The following KCTD19 variants were observed in gnomAD, a reference collection of about 807,000 sequenced individuals.
The protein encoded by KCTD19 is BTB/POZ domain-containing protein KCTD19.
KCTD19 carries 67 observed loss-of-function variants against 103.5 expected under a neutral mutation model. The observed-to-expected ratio is 0.65, with a 90% CI of 0.53 to 0.79. KCTD19 has a LOEUF of 0.79. Ranked by LOEUF, KCTD19 falls within the 30% of genes least tolerant of loss-of-function variation. The pLI is 0.00. For missense variants in KCTD19, 980 were observed against 1,136.1 expected, an observed-to-expected ratio of 0.86 and a Z score of 1.98; for synonymous variants, 439 against 452.2, an observed-to-expected ratio of 0.97 and a Z score of 0.37.
At chr16:67,306,485 C>G (rs988361564) in intron 2 of KCTD19, among the ~76,000 whole-genome samples, 3 of 152,116 alleles carry the variant, frequency 2.0e-5, no homozygotes, top group Non-Finnish European at 4.4e-5. Context: ...AGGCTGGTCT[C>G]AAACTCCTGG....
intron 4 of KCTD19, chr16:67,302,449 G>T: frequency 6.3e-6 from 1 of 158,248 alleles, no homozygotes; most frequent in Non-Finnish European, 1.4e-5. Flanking sequence ...TGAATGACTG[G>T]GGTTCCAGAC....
At chr16:67,309,214 A>G (rs186870591) in intron 2 of KCTD19, among the ~76,000 whole-genome samples, 16 of 152,312 alleles carry the variant, frequency 1.1e-4, no homozygotes, top group Admixed American at 8.5e-4. Context: ...GCAAAAAGAA[A>G]CATGGGAGAT....
In KCTD19 at chr16:67,295,276, G is replaced by A. The variant is rs1000482306; in HGVS notation, c.1378C>T (p.Pro460Ser). 6.2e-7 allele frequency: 1 copy of A among 1,614,002 alleles called. No individual in the cohort carries two copies. The highest frequency in any genetic ancestry group is 8.5e-7 in the Non-Finnish European group (1 of 1,180,016). Residue 460 changes from proline to serine, a missense_variant, in exon 9 of 16, where the codon CCA (proline) becomes TCA (serine). By Grantham distance (74) the Pro-to-Ser change is moderately conservative. Transcript: ENST00000304372. ...TGCTTCACTTACTTAAATTCAGATG[G>A]TAAAAACAGTTTGCCAAGTCTCAGG... Reference protein sequence around the residue: ...NFLRLGKLFLPSEFKEWPLFC... With the variant: ...NFLRLGKLFLSSEFKEWPLFC...
At chr16:67,304,373 G>T (rs760198569) in intron 3 of KCTD19, 48 bp downstream of exon 3, 1 of 1,595,752 alleles carries the variant, frequency 6.3e-7, no homozygotes, top group Admixed American at 1.7e-5. Context: ...GGTGAGGAGA[G>T]GGAAAGTTGG....
At position 67,303,120 on chromosome 16, in the gene KCTD19, C is replaced by A. The variant is rs772501182; in HGVS notation, c.643+26G>T. 2.0e-6 allele frequency: 1 copy of A among 498,010 alleles called. No individual in the cohort carries two copies. The allele number at this position is 498,010 out of a possible 1,614,324, so 30.8% of individuals were successfully genotyped here. ...GAATGGGCCCTATCAGCCCGCCCCC[C>A]ACCCCACCCCGGACAGAGCAATCAC... On this transcript the variant is annotated intron_variant, in intron 4 of 15. Coordinates refer to ENST00000304372, the MANE Select transcript of KCTD19 (RefSeq NM_001100915.3). The surrounding 1 kb of genome is among the most constrained non-coding windows in gnomAD (Gnocchi z 4.3).
At position 67,301,940 on chromosome 16, in the gene KCTD19, A is replaced by T; in HGVS notation, c.644-18T>A. On this transcript the variant is annotated intron_variant, in intron 4 of 15. Coordinates refer to ENST00000304372, the MANE Select transcript of KCTD19 (RefSeq NM_001100915.3). ...AAAATTCACTTGAAAAACAAAGGGG[A>T]ACACAGTGAGTTAATGAGGCTATTT... 1 of 1,613,448 alleles carries T rather than the reference A, an allele frequency of 6.2e-7. No individual in the cohort carries two copies. Among genetic ancestry groups the T allele is most frequent in the Non-Finnish European group, 8.5e-7 (1 of 1,179,580 alleles).
At chr16:67,290,124 G>GA (rs950709697) in intron 15 of KCTD19, among the ~76,000 whole-genome samples, 4 of 120,078 alleles carry the variant, frequency 3.3e-5, no homozygotes, top group Admixed American at 2.6e-4. Flanking sequence ...AAAGGAAAAA[G>GA]AAAAAAACCC....
chr16:67,326,480 C>A (rs1417933951), intron 1 of KCTD19: 4 of 532,562 alleles, frequency 7.5e-6, no homozygotes, highest in Non-Finnish European at 1.3e-5. Flanking sequence ...CCCTCAGAAC[C>A]GGAGTCCCCC....
At chr16:67,301,430 C>G (rs1364144035) in intron 5 of KCTD19, 1 of 173,634 alleles carries the variant, frequency 5.8e-6, no homozygotes, top group Non-Finnish European at 1.2e-5. Context: ...GCTCTTAGTC[C>G]CCACCACTTT....
At chr16:67,294,452 G>C (rs1201519346) in intron 11 of KCTD19, 128 bp downstream of exon 11, 1 of 711,766 alleles carries the variant, frequency 1.4e-6, no homozygotes, top group African/African-American at 1.8e-5. Context: ...TCCTGTCCTA[G>C]GAACCCATGT....
rs373222528 is a variant in KCTD19 at position 67,303,386 on chromosome 16, T to A, written c.452-49A>T. The A allele has an allele frequency of 1.8e-5, 28 of 1,527,434 alleles. No homozygotes were observed. The African/African-American group carries it at 3.9e-4, about 21-fold the overall frequency. The allele number at this position is 1,527,434 out of a possible 1,614,324, so 94.6% of individuals were successfully genotyped here. A position where few individuals can be genotyped will look rare whatever the true frequency, so the allele number is the denominator to read the frequency against. On this transcript the variant is annotated intron_variant, in intron 3 of 15. Coordinates refer to ENST00000304372, the MANE Select transcript of KCTD19 (RefSeq NM_001100915.3). This position sits in a 1 kb window ranked among gnomAD's most constrained non-coding sequence, Gnocchi z 4.3. Reference sequence around the variant, plus strand: ...GTTGCCACCTCTCAGAAGCCAGGGATCTGATTCCAGCAGGGCTTTCACTGA... The same window carrying A: ...GTTGCCACCTCTCAGAAGCCAGGGAACTGATTCCAGCAGGGCTTTCACTGA...
intron 7 of KCTD19, among the ~76,000 whole-genome samples, 191 bp downstream of exon 7, chr16:67,297,312 A>G (rs2036775839): frequency 6.6e-6 from 1 of 152,142 alleles, no homozygotes; most frequent in African/African-American, 2.4e-5. Context: ...CTGGAGACGA[A>G]TTGTGGGCTT....
At chr16:67,304,683 A>G in intron 2 of KCTD19, 112 bp from the exon 3 acceptor site, 2 of 860,552 alleles carry the variant, frequency 2.3e-6, no homozygotes, top group Non-Finnish European at 3.6e-6. Context: ...TTTTTTTTTG[A>G]GACAGAGTCT....
intron 13 of KCTD19, 60 bp from the exon 14 acceptor site, chr16:67,291,523 G>A: frequency 6.3e-7 from 1 of 1,583,206 alleles, no homozygotes; most frequent in Non-Finnish European, 8.6e-7. Flanking sequence ...CTTAGAGACA[G>A]TGTGAGGAGG....
intron 2 of KCTD19, among the ~76,000 whole-genome samples, chr16:67,308,160 T>TC (rs1340219452): frequency 6.7e-6 from 1 of 149,286 alleles, no homozygotes; most frequent in Admixed American, 6.7e-5. Flanking sequence ...CTTCCTTCCT[T>TC]CTTTCTTTTC....
intron 10 of KCTD19, 40 bp downstream of exon 10, chr16:67,294,933 A>G (rs1426839927): frequency 1.3e-6 from 2 of 1,486,706 alleles, no homozygotes; most frequent in South Asian, 1.1e-5. Flanking sequence ...AATTTAAAGG[A>G]CCAAATTCTA....
chr16:67,312,586 G>C (rs1371306238), intron 2 of KCTD19, among the ~76,000 whole-genome samples: 1 of 152,138 alleles, frequency 6.6e-6, no homozygotes, highest in Non-Finnish European at 1.5e-5. Flanking sequence ...CACTTGGATG[G>C]TTTTATTGCC....
At position 67,320,515 on chromosome 16, in the gene KCTD19, T is replaced by A. The variant is rs2037060232; in HGVS notation, c.300+74A>T. On this transcript the variant is annotated intron_variant, in intron 2 of 15. Transcript: ENST00000304372. The surrounding 1 kb of genome is among the most constrained non-coding windows in gnomAD (Gnocchi z 4.0). ...GAGGGTCATCTCAGCAACCAATATA[T>A]AACAGGAAACAATATTTAGTGATGT... The A allele has an allele frequency of 1.4e-6, 2 of 1,439,996 alleles. No individual in the cohort carries two copies. The highest frequency in any genetic ancestry group is 1.9e-6 in the Non-Finnish European group (2 of 1,049,896). The allele number at this position is 1,439,996 out of a possible 1,614,324, so 89.2% of individuals were successfully genotyped here. A position where few individuals can be genotyped will look rare whatever the true frequency, so the allele number is the denominator to read the frequency against.
Position 67,293,435 on chromosome 16 carries a change from GC to G in KCTD19, c.2218+108del. 8.2e-7 allele frequency: 1 copy of G among 1,216,530 alleles called. No homozygotes were observed. The highest frequency in any genetic ancestry group is 1.2e-6 in the Non-Finnish European group (1 of 860,688). The allele number at this position is 1,216,530 out of a possible 1,614,324, so 75.4% of individuals were successfully genotyped here. ...CCTGGCACAGAGATGGCATTGGTGA[GC>G]GGGGGGGTCTAGTCCTCCTTTGTCA... On this transcript the variant is annotated intron_variant, in intron 12 of 15. Transcript: ENST00000304372. This position sits in a 1 kb window ranked among gnomAD's most constrained non-coding sequence, Gnocchi z 4.0.
Sources: gnomAD v4.1 joint callset for allele counts (sites outside exome capture counted in the v4.1 genomes callset) on GRCh38, gnomAD v4.1.1 for gene constraint, Gnocchi (gnomAD v3.1) non-coding constraint, MANE v1.5 for transcripts, NCBI Gene and HGNC (gene_info 2026-07-23, HGNC 2026-07-21) for gene names.